Variants in RBM6 observed in about 807,000 individuals in gnomAD.
RBM6 encodes RNA binding motif protein 6.
In RBM6, 23 loss-of-function variants were observed where a neutral mutation model predicts 140.4. That is an observed-to-expected ratio of 0.16 (90% CI 0.12 to 0.23). The LOEUF (loss-of-function observed/expected upper bound fraction) is 0.23, where lower values mean the gene tolerates loss of function less well. RBM6 is among the 10% of genes least tolerant of loss of function. The pLI, the probability that RBM6 is intolerant of heterozygous loss-of-function variation, is 1.00. For synonymous variants in RBM6, 439 were observed against 475.6 expected (o/e 0.92, Z 1.00); for missense variants, 1,139 against 1,386.7 (o/e 0.82, Z 2.84).
intron 6 of RBM6, among the ~76,000 whole-genome samples, chr3:50,030,286 TAAAAAAAAAAAA>T (rs57797585): frequency 9.6e-6 from 1 of 103,872 alleles, no homozygotes; most frequent in African/African-American, 3.9e-5. Flanking sequence ...CTTTTTGTCT[TAAAAAAAAAAAA>T]AAAAAAAAAA....
At chr3:50,010,722 A>G (rs1367597326) in intron 6 of RBM6, among the ~76,000 whole-genome samples, 2 of 151,424 alleles carry the variant, frequency 1.3e-5, no homozygotes, top group African/African-American at 4.9e-5. Context: ...GGCCAACATG[A>G]TGAAACCCTG....
intron 7 of RBM6, among the ~76,000 whole-genome samples, chr3:50,050,871 A>C (rs1031806670): frequency 3.3e-5 from 5 of 152,010 alleles, no homozygotes; most frequent in Non-Finnish European, 5.9e-5. Context: ...TCCTTTGGAG[A>C]AATGTTCAAC....
chr3:49,988,157 T>C (rs2085651381), intron 5 of RBM6, among the ~76,000 whole-genome samples: 1 of 152,138 alleles, frequency 6.6e-6, no homozygotes, highest in South Asian at 2.1e-4. Flanking sequence ...TTTAAAAAAG[T>C]ATTTTGAGAC....
intron 6 of RBM6, among the ~76,000 whole-genome samples, chr3:50,007,026 A>T (rs1261026243): frequency 6.6e-6 from 1 of 151,906 alleles, no homozygotes; most frequent in African/African-American, 2.4e-5. Flanking sequence ...CAAAGTCTTA[A>T]GTTACAGCAG....
chr3:49,964,812 T>G (rs12496973), intron 2 of RBM6, among the ~76,000 whole-genome samples: 1 of 151,986 alleles, frequency 6.6e-6, no homozygotes, highest in Non-Finnish European at 1.5e-5. Flanking sequence ...TAATTTAGCT[T>G]TATTGTCTAA....
chr3:49,978,268 T>G (rs1183719840), intron 5 of RBM6, among the ~76,000 whole-genome samples: 1 of 152,148 alleles, frequency 6.6e-6, no homozygotes, highest in Non-Finnish European at 1.5e-5. Context: ...CCCACAGTGC[T>G]GGGATTACAG....
chr3:50,025,433 A>G (rs1193585646), intron 6 of RBM6, among the ~76,000 whole-genome samples: 1 of 151,298 alleles, frequency 6.6e-6, no homozygotes, highest in African/African-American at 2.4e-5. Flanking sequence ...AAAAAAGAAA[A>G]CAAAACACCA....
At chr3:49,945,951 C>T (rs963434083) in intron 1 of RBM6, among the ~76,000 whole-genome samples, 1 of 149,414 alleles carries the variant, frequency 6.7e-6, no homozygotes, top group Admixed American at 6.7e-5. Context: ...CTGCTGTCTT[C>T]GTAAGAAAAG....
At chr3:49,958,388 CA>C (rs1195351975) in intron 1 of RBM6, among the ~76,000 whole-genome samples, 1 of 151,840 alleles carries the variant, frequency 6.6e-6, no homozygotes, top group African/African-American at 2.4e-5. Context: ...ACCCCGTCTC[CA>C]CTAAAAATAC....
intron 10 of RBM6, 68 bp downstream of exon 10, chr3:50,058,630 G>A: frequency 6.7e-7 from 1 of 1,485,508 alleles, no homozygotes; most frequent in East Asian, 2.3e-5. Flanking sequence ...AGGTTTGACT[G>A]GGGGCCGGGC....
chr3:50,004,228 C>T (rs1287217502), intron 6 of RBM6, among the ~76,000 whole-genome samples: 1 of 152,032 alleles, frequency 6.6e-6, no homozygotes, highest in Non-Finnish European at 1.5e-5. Context: ...GTATTTATTT[C>T]TCTGAAATTT....
chr3:49,974,718 G>A (rs1172798626), intron 4 of RBM6, among the ~76,000 whole-genome samples: 5 of 119,108 alleles, frequency 4.2e-5, no homozygotes, highest in Admixed American at 2.2e-4. Context: ...ATAGTGTCTC[G>A]CTCTGTTGCC....
chr3:50,064,204 T>A (rs138916547), intron 15 of RBM6, among the ~76,000 whole-genome samples: 1 of 152,100 alleles, frequency 6.6e-6, no homozygotes, highest in Non-Finnish European at 1.5e-5. Context: ...GTGCTGGGAT[T>A]ACAGGCATGA....
Position 50,065,248 on chromosome 3 carries a change from G to A in RBM6, c.2682+122G>A. ...GGTCTTTTACCTCACTATGTCTCCCGAATAAGGATTCCCATTTCTTTTGAG... is the reference window on the plus strand; with the variant it reads ...GGTCTTTTACCTCACTATGTCTCCCAAATAAGGATTCCCATTTCTTTTGAG... On this transcript the variant is annotated intron_variant, in intron 16 of 20. Coordinates refer to ENST00000266022, the MANE Select transcript of RBM6 (RefSeq NM_005777.3). The A allele has an allele frequency of 3.5e-5, 25 of 704,916 alleles. 1 individual carries two copies. The South Asian group carries it at 3.6e-4, about 10-fold the overall frequency. The allele number at this position is 704,916 out of a possible 1,614,324, so 43.7% of individuals were successfully genotyped here.
chr3:50,057,938 C>G lies in RBM6; in HGVS notation c.1904C>G (p.Thr635Ser). 6.2e-7 allele frequency: 1 copy of G among 1,614,148 alleles called. No individual in the cohort carries two copies. The highest frequency in any genetic ancestry group is 2.2e-5 in the East Asian group (1 of 44,882). The change falls in exon 9 of 21, where the codon ACT becomes AGT. Residue 635 changes from threonine (T) to serine (S), a missense_variant. Around this residue, in one of 9 missense-constraint regions of RBM6, gnomAD observed 109 missense variants for 101.9 expected, o/e 1.07. Coordinates refer to ENST00000266022, the MANE Select transcript of RBM6 (RefSeq NM_005777.3). ...YLPPSRREGP[T>S]FRRDRERESW... is the part of the protein sequence containing the mutation. ...CCTCCTTCTCGAAGGGAAGGGCCAA[C>G]TTTCCGAAGAGACCGAGAGAGGGAG...
chr3:50,022,099 G>A (rs142788989), intron 6 of RBM6, among the ~76,000 whole-genome samples: 3 of 152,082 alleles, frequency 2.0e-5, no homozygotes, highest in Middle Eastern at 3.4e-3. Context: ...CTTAATAAAT[G>A]TATTCAAATT....
intron 1 of RBM6, among the ~76,000 whole-genome samples, chr3:49,961,790 TTC>T (rs1173560439): frequency 1.4e-5 from 2 of 147,528 alleles, no homozygotes; most frequent in Non-Finnish European, 3.0e-5. Flanking sequence ...CAGAGAGAGA[TTC>T]TGTCTTTAAA....
At chr3:50,021,694 AAGAATCATTTTG>A (rs927712201) in intron 6 of RBM6, among the ~76,000 whole-genome samples, 1 of 148,432 alleles carries the variant, frequency 6.7e-6, no homozygotes, top group Non-Finnish European at 1.5e-5. Flanking sequence ...CATACATTTT[AAGAATCATTTTG>A]ATATATTCAT....
intron 1 of RBM6, among the ~76,000 whole-genome samples, chr3:49,946,105 G>C (rs1042917095): frequency 2.5e-4 from 38 of 152,194 alleles, no homozygotes; most frequent in African/African-American, 8.7e-4. Context: ...AGCCTCCAGA[G>C]CTGTGAGAAT....
Sources: gnomAD v4.1 joint callset for allele counts (sites outside exome capture counted in the v4.1 genomes callset) on GRCh38, gnomAD v4.1.1 for gene constraint, gnomAD v4.1.1 regional missense constraint, MANE v1.5 for transcripts, NCBI Gene and HGNC (gene_info 2026-07-23, HGNC 2026-07-21) for gene names.